Variants in TSPAN12 observed in about 807,000 individuals in gnomAD.
TSPAN12 encodes the protein tetraspanin 12.
TSPAN12 carries 19 observed loss-of-function variants against 39.2 expected under a neutral mutation model. That is an observed-to-expected ratio of 0.49 (90% CI 0.34 to 0.71). TSPAN12 has a LOEUF of 0.71. Ranked by LOEUF, TSPAN12 falls within the 30% of genes least tolerant of loss-of-function variation. The probability of loss-of-function intolerance (pLI) is 0.01; values close to 1 mark genes in which losing one functional copy is unlikely to be tolerated. For missense variants in TSPAN12, 314 were observed against 359.9 expected, an observed-to-expected ratio of 0.87 and a Z score of 1.03; for synonymous variants, 119 against 124.8, an observed-to-expected ratio of 0.95 and a Z score of 0.31.
chr7:120,857,513 G>T (rs545812380), intron 1 of TSPAN12, among the ~76,000 whole-genome samples: 1 of 150,820 alleles, frequency 6.6e-6, no homozygotes. Context: ...GGCGGGGGGC[G>T]GGGGGCGCCG....
chr7:120,802,993 G>A (rs201422240), intron 7 of TSPAN12, among the ~76,000 whole-genome samples: 2 of 152,116 alleles, frequency 1.3e-5, no homozygotes, highest in East Asian at 3.8e-4. Context: ...AAAAAAGCCA[G>A]TTTTTATCTC....
At chr7:120,804,677 A>C (rs181035986) in intron 7 of TSPAN12, among the ~76,000 whole-genome samples, 50 of 152,278 alleles carry the variant, frequency 3.3e-4, no homozygotes, top group Non-Finnish European at 6.3e-4. Context: ...ATGTCCTCCC[A>C]AAATTCGTAT....
chr7:120,792,199 C>T (rs914680685), intron 7 of TSPAN12, among the ~76,000 whole-genome samples: 15 of 152,200 alleles, frequency 9.9e-5, no homozygotes, highest in Non-Finnish European at 2.2e-4. Flanking sequence ...TAGCCGCCAC[C>T]AGAGGGCGCA....
chr7:120,822,831 T>C (rs1013635155), intron 4 of TSPAN12, among the ~76,000 whole-genome samples: 1 of 152,238 alleles, frequency 6.6e-6, no homozygotes, highest in East Asian at 1.9e-4. Flanking sequence ...ACAGCAGGTA[T>C]AGTAGATGAC....
chr7:120,799,807 A>C (rs1584925359), intron 7 of TSPAN12, among the ~76,000 whole-genome samples: 1 of 137,236 alleles, frequency 7.3e-6, no homozygotes, highest in East Asian at 2.1e-4. Flanking sequence ...TTAAATATTT[A>C]TTATATTTAT....
Position 120,806,705 on chromosome 7 carries a change from T to C in TSPAN12, c.469-13A>G, listed in dbSNP as rs893055017. The C allele has an allele frequency of 3.7e-6, 6 of 1,610,922 alleles. No homozygotes were observed. In the African/African-American group the frequency reaches 5.3e-5, roughly 14 times the overall value. ...CACAGCACTTAAACTGCAAAAAAAA[T>C]CACTAGTCAGCCTCAGAAACCACAA... On this transcript the variant is annotated splice_polypyrimidine_tract_variant and intron_variant, in intron 6 of 7. Transcript: ENST00000222747.
chr7:120,816,736 T>C (rs1238567187), intron 4 of TSPAN12, among the ~76,000 whole-genome samples: 1 of 152,070 alleles, frequency 6.6e-6, no homozygotes, highest in Non-Finnish European at 1.5e-5. Context: ...AGGTTCTGAA[T>C]AGGGGAATGA....
intron 4 of TSPAN12, among the ~76,000 whole-genome samples, chr7:120,828,655 CTTTTTTT>C (rs752697203): frequency 8.0e-6 from 1 of 125,498 alleles, no homozygotes; most frequent in Non-Finnish European, 1.7e-5. Context: ...TTTCTTTCTC[CTTTTTTT>C]TTTTTTTTTT....
At chr7:120,789,146 G>A (rs573508769) in intron 7 of TSPAN12, among the ~76,000 whole-genome samples, 24 of 152,114 alleles carry the variant, frequency 1.6e-4, no homozygotes, top group Non-Finnish European at 2.8e-4. Context: ...ACCTGAAATT[G>A]AGGCCCACTG....
intron 4 of TSPAN12, among the ~76,000 whole-genome samples, chr7:120,837,195 T>C (rs1794493272): frequency 6.6e-6 from 1 of 152,214 alleles, no homozygotes; most frequent in South Asian, 2.1e-4. Context: ...TATCTAAAAT[T>C]GCAAAATAAG....
At chr7:120,835,187 A>C (rs1170392226) in intron 4 of TSPAN12, among the ~76,000 whole-genome samples, 1 of 152,186 alleles carries the variant, frequency 6.6e-6, no homozygotes, top group Non-Finnish European at 1.5e-5. Flanking sequence ...ATAATAAGAG[A>C]AATACACTAG....
chr7:120,805,303 AAATT>A (rs755904487), intron 7 of TSPAN12, among the ~76,000 whole-genome samples: 29 of 152,266 alleles, frequency 1.9e-4, no homozygotes, highest in Middle Eastern at 3.4e-3. Context: ...TACAACATCC[AAATT>A]AATTAATTTA....
intron 6 of TSPAN12, among the ~76,000 whole-genome samples, chr7:120,809,003 G>A (rs2116357535): frequency 6.6e-6 from 1 of 150,776 alleles, no homozygotes; most frequent in East Asian, 1.9e-4. Flanking sequence ...ATATATGGAA[G>A]ACATAGTGAA....
chr7:120,797,424 G>A (rs1336768292), intron 7 of TSPAN12, among the ~76,000 whole-genome samples: 1 of 152,234 alleles, frequency 6.6e-6, no homozygotes, highest in Non-Finnish European at 1.5e-5. Context: ...GAGCTGCCTG[G>A]CAGCATAGAC....
intron 4 of TSPAN12, among the ~76,000 whole-genome samples, chr7:120,819,725 A>C (rs1794153071): frequency 6.6e-6 from 1 of 152,112 alleles, no homozygotes; most frequent in African/African-American, 2.4e-5. Context: ...GAAAACATTA[A>C]ATGTCAAATT....
chr7:120,830,767 A>C (rs544202678), intron 4 of TSPAN12, among the ~76,000 whole-genome samples: 1 of 152,114 alleles, frequency 6.6e-6, no homozygotes, highest in Non-Finnish European at 1.5e-5. Flanking sequence ...CCAAAGTCAC[A>C]GACAGAAAAA....
At chr7:120,817,566 A>G (rs1341911799) in intron 4 of TSPAN12, among the ~76,000 whole-genome samples, 1 of 152,166 alleles carries the variant, frequency 6.6e-6, no homozygotes, top group East Asian at 1.9e-4. Flanking sequence ...CAAACAAGAA[A>G]ATTAACACAA....
intron 2 of TSPAN12, 125 bp from the exon 3 acceptor site, chr7:120,840,234 G>A (rs1794552002): frequency 2.5e-6 from 2 of 789,576 alleles, no homozygotes; most frequent in Non-Finnish European, 4.4e-6. Context: ...GCTGCATCTT[G>A]AAATTTACTA....
chr7:120,825,136 T>C (rs1242633220), intron 4 of TSPAN12, among the ~76,000 whole-genome samples: 2 of 152,204 alleles, frequency 1.3e-5, no homozygotes, highest in Admixed American at 1.3e-4. Context: ...ATGTTTTCCT[T>C]GAACACTTTT....
Sources: allele counts gnomAD v4.1 joint callset (sites outside exome capture counted in the v4.1 genomes callset), GRCh38; gene constraint gnomAD v4.1.1; transcripts MANE v1.5; gene names NCBI Gene and HGNC (gene_info 2026-07-23, HGNC 2026-07-21).